The following CDH12 variants were observed in gnomAD, a reference collection of about 807,000 sequenced individuals.
CDH12 encodes cadherin 12.
A neutral mutation model predicts 74.1 loss-of-function variants in CDH12; 41 were observed. That is an observed-to-expected ratio of 0.55 (90% CI 0.43 to 0.72). CDH12 has a LOEUF of 0.72. CDH12 is among the 30% of genes least tolerant of loss of function. The pLI is 0.00. For missense variants in CDH12, 945 were observed against 977.2 expected (o/e 0.97, Z 0.44); for synonymous variants, 399 against 355.0 (o/e 1.12, Z -1.39).
chr5:22,416,563 A>C lies in CDH12; in HGVS notation c.-427-11212T>G, dbSNP rs115751275. Among the ~76,000 whole-genome samples the C allele has an allele frequency of 8.7e-3, 1,329 of 152,314 alleles. 18 individuals are homozygous for C. The highest frequency in any genetic ancestry group is 0.03 in the African/African-American group (1,256 of 41,574). On this transcript the variant is annotated intron_variant, in intron 2 of 14. Coordinates refer to ENST00000382254, the MANE Select transcript of CDH12 (RefSeq NM_004061.5). Reference sequence around the variant, plus strand: ...ACAAATGACCTCAGGTTAAAGATCAAATCAAAAGTGTAGCTGCAATACACT... The same window carrying C: ...ACAAATGACCTCAGGTTAAAGATCACATCAAAAGTGTAGCTGCAATACACT...
chr5:22,559,232 G>C (rs1738938026), intron 1 of CDH12, among the ~76,000 whole-genome samples: 1 of 151,944 alleles, frequency 6.6e-6, no homozygotes, highest in African/African-American at 2.4e-5. Context: ...TAGGCTGGTT[G>C]TACAGGAATC....
chr5:22,277,951 A>G (rs1005127924), intron 3 of CDH12: 1 of 152,276 alleles, frequency 6.6e-6, no homozygotes, highest in African/African-American at 2.4e-5. Context: ...ATAGAGCTGG[A>G]TATGAAAACT....
At chr5:21,864,190 A>G (rs1269606660) in intron 6 of CDH12, among the ~76,000 whole-genome samples, 1 of 151,990 alleles carries the variant, frequency 6.6e-6, no homozygotes, top group African/African-American at 2.4e-5. Flanking sequence ...ACTATAAGAC[A>G]TTGAAACAAG....
At chr5:22,046,459 G>A (rs1739962698) in intron 5 of CDH12, among the ~76,000 whole-genome samples, 1 of 127,810 alleles carries the variant, frequency 7.8e-6, no homozygotes, top group Admixed American at 7.4e-5. Flanking sequence ...TTTTGAGACG[G>A]AGTCTCGCTG....
intron 1 of CDH12, among the ~76,000 whole-genome samples, chr5:22,852,506 G>A (rs1249004998): frequency 6.6e-6 from 1 of 152,070 alleles, no homozygotes; most frequent in Non-Finnish European, 1.5e-5. Context: ...TCCCAGATTA[G>A]TTTTGTGGTA....
intron 3 of CDH12, among the ~76,000 whole-genome samples, chr5:22,243,638 T>G (rs1316394868): frequency 6.6e-6 from 1 of 152,218 alleles, no homozygotes; most frequent in Non-Finnish European, 1.5e-5. Context: ...CTTTGGAAAC[T>G]ATTAATCTCA....
chr5:22,820,529 G>T (rs1749642432), intron 1 of CDH12, among the ~76,000 whole-genome samples: 1 of 151,976 alleles, frequency 6.6e-6, no homozygotes, highest in Non-Finnish European at 1.5e-5. Context: ...TCAAATAGAT[G>T]CAATAAAAAT....
chr5:21,755,634 A>G lies in CDH12; in HGVS notation c.1842T>C (p.Thr614=). 1 of 1,614,044 alleles carries G rather than the reference A, an allele frequency of 6.2e-7. No homozygotes were observed. The highest frequency in any genetic ancestry group is 1.1e-5 in the South Asian group (1 of 91,084). ...EAIFLPVGLS[T]GALIAILLCI... is the part of the protein sequence containing the mutation. Reference sequence around the variant, plus strand: ...ATAGTAGAATTGCAATCAACGCCCCAGTGCTAAGTCCTACAGGTAGAAAAA... The same window carrying G: ...ATAGTAGAATTGCAATCAACGCCCCGGTGCTAAGTCCTACAGGTAGAAAAA... The change falls in exon 14 of 15, where the codon ACT becomes ACC. Residue 614 remains threonine, a synonymous_variant. Coordinates refer to ENST00000382254, the MANE Select transcript of CDH12 (RefSeq NM_004061.5).
chr5:22,319,484 T>C (rs1469356243), intron 3 of CDH12, among the ~76,000 whole-genome samples: 1 of 152,158 alleles, frequency 6.6e-6, no homozygotes, highest in Non-Finnish European at 1.5e-5. Context: ...AAAGGCAAAC[T>C]TCTTTGCTTC....
chr5:22,173,188 G>T (rs897715761), intron 4 of CDH12, among the ~76,000 whole-genome samples: 2 of 149,572 alleles, frequency 1.3e-5, no homozygotes, highest in Non-Finnish European at 3.0e-5. Context: ...GTACATGTAT[G>T]TACATACATG....
At chr5:22,801,255 T>C (rs1271111254) in intron 1 of CDH12, among the ~76,000 whole-genome samples, 1 of 152,270 alleles carries the variant, frequency 6.6e-6, no homozygotes, top group South Asian at 2.1e-4. Flanking sequence ...GTGCAGTGGT[T>C]CCATAGACTT....
intron 1 of CDH12, among the ~76,000 whole-genome samples, chr5:22,762,547 T>G (rs1746282560): frequency 6.6e-6 from 1 of 152,070 alleles, no homozygotes; most frequent in Non-Finnish European, 1.5e-5. Flanking sequence ...CAGCTTTTTT[T>G]GGAAGACAGT....
chr5:22,456,293 CTG>C (rs560700198), intron 2 of CDH12, among the ~76,000 whole-genome samples: 169 of 149,982 alleles, frequency 1.1e-3, no homozygotes, highest in Middle Eastern at 0.011. Flanking sequence ...TTAATAAAGT[CTG>C]TGTTTAACAA....
chr5:22,141,751 T>C (rs1286664816), intron 4 of CDH12, among the ~76,000 whole-genome samples: 1 of 152,110 alleles, frequency 6.6e-6, no homozygotes, highest in Non-Finnish European at 1.5e-5. Flanking sequence ...ATTCACTGAT[T>C]GTGGGTCTGA....
intron 3 of CDH12, among the ~76,000 whole-genome samples, chr5:22,262,778 T>C (rs1753568685): frequency 6.6e-6 from 1 of 152,046 alleles, no homozygotes; most frequent in Admixed American, 6.6e-5. Context: ...CCAGCACCTG[T>C]TGTTTCCTGA....
chr5:22,025,271 A>C (rs892520599), intron 5 of CDH12, among the ~76,000 whole-genome samples: 1 of 152,148 alleles, frequency 6.6e-6, no homozygotes, highest in Non-Finnish European at 1.5e-5. Context: ...TGATAAAGAA[A>C]TTAGATAGAT....
intron 1 of CDH12, among the ~76,000 whole-genome samples, chr5:22,585,335 G>T (rs764816267): frequency 2.0e-5 from 3 of 152,024 alleles, no homozygotes; most frequent in Non-Finnish European, 4.4e-5. Context: ...TTTTGTCTTT[G>T]ATTTCCTGCA....
rs373008560 is a variant in CDH12 at position 22,164,562 on chromosome 5, T to C, written c.-187+47936A>G. Among the ~76,000 whole-genome samples the C allele has an allele frequency of 8.5e-5, 13 of 152,280 alleles. No homozygotes were observed. In the East Asian group the frequency reaches 9.7e-4, roughly 11 times the overall value. ...TAAACACGGACCAGAAGAGTGCAGT[T>C]GCAAGATTTAATAGAGTGAAATAGA... On this transcript the variant is annotated intron_variant, in intron 4 of 14. Transcript: ENST00000382254.
chr5:22,725,592 CAT>C (rs1491113670), intron 1 of CDH12, among the ~76,000 whole-genome samples: 4 of 150,584 alleles, frequency 2.7e-5, no homozygotes, highest in Non-Finnish European at 5.9e-5. Flanking sequence ...TCCTTCAAGC[CAT>C]TTTTTTTTAT....
Sources: allele counts gnomAD v4.1 joint callset (sites outside exome capture counted in the v4.1 genomes callset), GRCh38; gene constraint gnomAD v4.1.1; transcripts MANE v1.5; gene names NCBI Gene and HGNC (gene_info 2026-07-23, HGNC 2026-07-21).